THSD4: variants seen among roughly 807,000 people sequenced by gnomAD.
The protein encoded by THSD4 is thrombospondin type 1 domain containing 4.
THSD4 carries 69 observed loss-of-function variants against 119.0 expected under a neutral mutation model. The ratio of observed to expected loss-of-function variants is 0.58; its 90% CI spans 0.48 to 0.71. The LOEUF is 0.71. THSD4 is among the 30% of genes least tolerant of loss of function. The probability of loss-of-function intolerance (pLI) is 0.00; values close to 1 mark genes in which losing one functional copy is unlikely to be tolerated. For synonymous variants in THSD4, 524 were observed against 540.4 expected (o/e 0.97, Z 0.42); for missense variants, 1,393 against 1,391.1 (o/e 1.00, Z -0.02).
At chr15:71,487,385 A>G (rs764634511) in intron 7 of THSD4, among the ~76,000 whole-genome samples, 1 of 152,156 alleles carries the variant, frequency 6.6e-6, no homozygotes, top group Non-Finnish European at 1.5e-5. Context: ...TTTCAGCTCC[A>G]TTACTCTGTG....
intron 6 of THSD4, among the ~76,000 whole-genome samples, chr15:71,385,168 T>C (rs1223060009): frequency 6.6e-6 from 1 of 152,050 alleles, no homozygotes; most frequent in Non-Finnish European, 1.5e-5. Context: ...CCGAACCCAA[T>C]TCAGTTAAAA....
At chr15:71,551,286 A>T (rs2048923911) in intron 7 of THSD4, among the ~76,000 whole-genome samples, 1 of 152,252 alleles carries the variant, frequency 6.6e-6, no homozygotes, top group African/African-American at 2.4e-5. Context: ...TGAAAAAAGA[A>T]AGGTGAAAAG....
chr15:71,389,941 A>AATT (rs2046353883), intron 6 of THSD4, among the ~76,000 whole-genome samples: 1 of 150,562 alleles, frequency 6.6e-6, no homozygotes, highest in African/African-American at 2.4e-5. Flanking sequence ...TGTAGCTGGG[A>AATT]CTACAGGCGC....
At chr15:71,428,082 G>A (rs1267499602) in intron 7 of THSD4, among the ~76,000 whole-genome samples, 4 of 152,084 alleles carry the variant, frequency 2.6e-5, no homozygotes, top group Non-Finnish European at 5.9e-5. Context: ...GAAATGAGGG[G>A]AAACTTCAGC....
intron 7 of THSD4, among the ~76,000 whole-genome samples, chr15:71,509,645 C>A (rs1595841105): frequency 6.6e-6 from 1 of 152,232 alleles, no homozygotes; most frequent in Admixed American, 6.5e-5. Context: ...CCAAATCCCA[C>A]ATATTTTATT....
rs532920224 is a variant in THSD4 at position 71,107,427 on chromosome 15, CAAAAGAAA to C, written c.-80+10429_-80+10436del. ...AGAAAGCAAAAGAAAAGAAAGAAAGCAAAAGAAAAAAAGAAGAGAAGAAAAGGAAAAAG... is the reference window on the plus strand; with the variant it reads ...AGAAAGCAAAAGAAAAGAAAGAAAGCAAAAGAAGAGAAGAAAAGGAAAAAG... On this transcript the variant is annotated intron_variant, in intron 1 of 17. Coordinates refer to the THSD4 transcript ENST00000355327. 3.5e-4 allele frequency among the ~76,000 whole-genome samples: 52 copies of C among 149,496 alleles called. 1 individual carries two copies. In the South Asian group the frequency reaches 0.011, roughly 31 times the overall value.
chr15:71,485,813 C>T (rs999837869), intron 7 of THSD4, among the ~76,000 whole-genome samples: 6 of 152,140 alleles, frequency 3.9e-5, no homozygotes, highest in Non-Finnish European at 7.3e-5. Context: ...TGTATATCAA[C>T]AGTGCATAGC....
chr15:71,267,929 AC>A (rs2044482003), intron 6 of THSD4, among the ~76,000 whole-genome samples: 1 of 152,236 alleles, frequency 6.6e-6, no homozygotes, highest in East Asian at 1.9e-4. Context: ...ATATATATGC[AC>A]CCAATACAGG....
chr15:71,729,086 A>G (rs1442688888), intron 9 of THSD4: 5 of 255,544 alleles, frequency 2.0e-5, no homozygotes, highest in Non-Finnish European at 3.9e-5. Flanking sequence ...TTTTCTTTTT[A>G]TGGCAAAAGA....
Position 71,777,260 on chromosome 15 carries a change from C to A in THSD4, c.2943C>A (p.Asn981Lys). 1 of 1,614,234 alleles carries A rather than the reference C, an allele frequency of 6.2e-7. No homozygotes were observed. Among genetic ancestry groups the A allele is most frequent in the African/African-American group, 1.3e-5 (1 of 75,074 alleles). Reference protein sequence around the residue: ...VDENCKDKYYNCNVVVQARLC... With the variant: ...VDENCKDKYYKCNVVVQARLC... ...AAAACTGCAAGGACAAGTACTACAA[C>A]TGCAACGTGGTGGTCCAGGCAAGAC... The change falls in exon 18 of 18, where the codon AAC becomes AAA. Residue 981 changes from asparagine (N) to lysine (K), a missense_variant. Physicochemically the swap from Asn to Lys is moderately conservative, Grantham distance 94 (BLOSUM62 0). Transcript: ENST00000261862.
At chr15:71,680,761 C>T (rs1245067969) in intron 8 of THSD4, among the ~76,000 whole-genome samples, 2 of 152,084 alleles carry the variant, frequency 1.3e-5, no homozygotes, top group African/African-American at 2.4e-5. Context: ...CTGACCTCTC[C>T]GTATGTCATT....
At chr15:71,167,630 A>G (rs1051533653) in intron 3 of THSD4, among the ~76,000 whole-genome samples, 4 of 152,192 alleles carry the variant, frequency 2.6e-5, no homozygotes, top group Non-Finnish European at 5.9e-5. Context: ...TCATAATTCA[A>G]TTTTTGCTGA....
intron 1 of THSD4, among the ~76,000 whole-genome samples, chr15:71,139,277 T>G (rs563307814): frequency 1.3e-5 from 2 of 152,286 alleles, no homozygotes; most frequent in East Asian, 3.9e-4. Flanking sequence ...ATGGTTCATC[T>G]CCCAGACCAT....
At chr15:71,775,977 T>C (rs2053905700) in intron 17 of THSD4, among the ~76,000 whole-genome samples, 2 of 152,084 alleles carry the variant, frequency 1.3e-5, no homozygotes, top group Admixed American at 6.6e-5. Flanking sequence ...CAATAAATGG[T>C]CATGAGACAA....
At chr15:71,504,462 A>G (rs1476723730) in intron 7 of THSD4, among the ~76,000 whole-genome samples, 1 of 152,252 alleles carries the variant, frequency 6.6e-6, no homozygotes, top group African/African-American at 2.4e-5. Flanking sequence ...AAGCGTAAAG[A>G]CTAAAGTCAC....
intron 8 of THSD4, among the ~76,000 whole-genome samples, chr15:71,688,204 C>CT (rs1461990233): frequency 6.6e-6 from 1 of 152,210 alleles, no homozygotes; most frequent in Non-Finnish European, 1.5e-5. Flanking sequence ...GGTGGGAAGC[C>CT]TTTACAAGCC....
At chr15:71,681,886 A>G (rs1279243562) in intron 8 of THSD4, among the ~76,000 whole-genome samples, 1 of 152,068 alleles carries the variant, frequency 6.6e-6, no homozygotes, top group African/African-American at 2.4e-5. Flanking sequence ...GGATTGGGCT[A>G]TTAGATGTTC....
intron 7 of THSD4, among the ~76,000 whole-genome samples, chr15:71,555,794 T>G (rs534172307): frequency 1.3e-5 from 2 of 152,232 alleles, no homozygotes; most frequent in Non-Finnish European, 2.9e-5. Flanking sequence ...CACTTAGAGT[T>G]AAATTTTCTG....
At position 71,604,576 on chromosome 15, in the gene THSD4, A is replaced by G. The variant is rs140104169; in HGVS notation, c.1153-55954A>G. Among the ~76,000 whole-genome samples the G allele has an allele frequency of 2.5e-3, 378 of 152,326 alleles. 2 individuals are homozygous for G. The highest frequency in any genetic ancestry group is 8.1e-3 in the African/African-American group (338 of 41,576). ...GAATTAGAAAGGCCTAGGATATTCTAATGCAAGGTAAGACACCCACACAAG... is the reference window on the plus strand; with the variant it reads ...GAATTAGAAAGGCCTAGGATATTCTGATGCAAGGTAAGACACCCACACAAG... On this transcript the variant is annotated intron_variant, in intron 7 of 17. Coordinates refer to ENST00000261862, the MANE Select transcript of THSD4 (RefSeq NM_024817.3).
Sources: gnomAD v4.1 joint callset for allele counts (sites outside exome capture counted in the v4.1 genomes callset) on GRCh38, gnomAD v4.1.1 for gene constraint, MANE v1.5 for transcripts, NCBI Gene and HGNC (gene_info 2026-07-23, HGNC 2026-07-21) for gene names.